The following MPHOSPH10 variants were observed in gnomAD, a reference collection of about 807,000 sequenced individuals.
MPHOSPH10 encodes U3 small nucleolar ribonucleoprotein MPP10.
Under a neutral mutation model 77.3 loss-of-function variants are expected in MPHOSPH10, and 33 were observed. That is an observed-to-expected ratio of 0.43 (90% CI 0.32 to 0.57). The LOEUF (loss-of-function observed/expected upper bound fraction) is 0.57. Ranked by LOEUF, MPHOSPH10 falls within the 20% of genes least tolerant of loss-of-function variation. The pLI is 0.07. For missense variants in MPHOSPH10, 708 were observed against 780.1 expected, an observed-to-expected ratio of 0.91 and a Z score of 1.10; for synonymous variants, 245 against 268.0, an observed-to-expected ratio of 0.91 and a Z score of 0.84.
chr2:71,146,117 G>A lies in MPHOSPH10; in HGVS notation c.1557+1579G>A, dbSNP rs145421599. Among the ~76,000 whole-genome samples, 27 of 152,302 alleles carry A rather than the reference G, an allele frequency of 1.8e-4. 1 individual carries two copies. The highest frequency in any genetic ancestry group is 1.4e-3 in the East Asian group (7 of 5,178). On this transcript the variant is annotated intron_variant, in intron 8 of 10. Transcript: ENST00000244230. The stretch of plus-strand genomic sequence containing the variant: ...TCGCACTAGCTAGGATCTAACACAC[G>A]GAAGCCTTTAGACATTCCTTGGAAT...
chr2:71,133,005 T>C lies in MPHOSPH10; in HGVS notation c.197T>C (p.Leu66Pro). 3 of 1,614,104 alleles carry C rather than the reference T, an allele frequency of 1.9e-6. No individual in the cohort carries two copies. Among genetic ancestry groups the C allele is most frequent in the South Asian group, 1.1e-5 (1 of 91,072 alleles). ...ATCCATGGAAGCCCCTTGCAAAAAC[T>C]TGTGATAGAAAATTTTGATGATGAG... Reference protein sequence around the residue: ...GRIHGSPLQKLVIENFDDEQI... With the variant: ...GRIHGSPLQKPVIENFDDEQI... The change falls in exon 2 of 11, where the codon CTT (leucine) becomes CCT (proline). Residue 66 changes from leucine (L) to proline (P), a missense_variant. Physicochemically the swap from Leu to Pro is moderately conservative, Grantham distance 98. Transcript: ENST00000244230.
chr2:71,134,140 T>C, intron 3 of MPHOSPH10, 35 bp downstream of exon 3: 1 of 1,579,752 alleles, frequency 6.3e-7, no homozygotes, highest in Middle Eastern at 1.7e-4. Flanking sequence ...CATTGTAAGC[T>C]GGAATTGCCC....
At chr2:71,149,823 A>G (rs1335622491) in intron 10 of MPHOSPH10, 43 bp from the exon 11 acceptor site, 1 of 1,487,530 alleles carries the variant, frequency 6.7e-7, no homozygotes, top group Middle Eastern at 1.9e-4. Context: ...TTTCACTTAT[A>G]AGTACATTTT....
intron 9 of MPHOSPH10, 76 bp from the exon 10 acceptor site, chr2:71,149,147 C>T (rs181397258): frequency 8.9e-6 from 12 of 1,345,880 alleles, no homozygotes; most frequent in Admixed American, 4.9e-5. Context: ...GCTGGCTACC[C>T]TGCAGTTTCT....
At chr2:71,146,318 C>T (rs1673706173) in intron 8 of MPHOSPH10, among the ~76,000 whole-genome samples, 1 of 147,476 alleles carries the variant, frequency 6.8e-6, no homozygotes, top group African/African-American at 2.5e-5. Flanking sequence ...CTAATCACAG[C>T]CATTATTTTT....
In MPHOSPH10 at chr2:71,144,419, T is replaced by C; in HGVS notation, c.1447-9T>C. On this transcript the variant is annotated splice_polypyrimidine_tract_variant and intron_variant, in intron 7 of 10. Transcript: ENST00000244230. ...GCTTAGTTTGACATTGTTGAACTTA[T>C]TTCCTAAGCAAAAAACAGCAGAAGA... 2 of 1,606,786 alleles carry C rather than the reference T, an allele frequency of 1.2e-6. No individual in the cohort carries two copies. Among genetic ancestry groups the C allele is most frequent in the Non-Finnish European group, 8.5e-7 (1 of 1,173,696 alleles).
At chr2:71,144,587 T>C (rs1673673903) in intron 8 of MPHOSPH10, 49 bp downstream of exon 8, 1 of 1,362,534 alleles carries the variant, frequency 7.3e-7, no homozygotes, top group South Asian at 1.2e-5. Flanking sequence ...GTGACCTTCA[T>C]AGCTTTGATC....
At chr2:71,147,975 T>C in intron 8 of MPHOSPH10, 24 bp from the exon 9 acceptor site, 1 of 1,584,754 alleles carries the variant, frequency 6.3e-7, no homozygotes, top group African/African-American at 1.3e-5. Flanking sequence ...TGGCTTCCCA[T>C]TGAATGTATT....
Position 71,138,528 on chromosome 2 carries a change from A to T in MPHOSPH10, c.1137A>T (p.Leu379Phe). 6.3e-7 allele frequency: 1 copy of T among 1,598,972 alleles called. No individual in the cohort carries two copies. Among genetic ancestry groups the T allele is most frequent in the Non-Finnish European group, 8.5e-7 (1 of 1,174,730 alleles). ...EKIASLEKEL[L>F]EKKPWQLQGE... ...TTGCATCTTTAGAAAAAGAGTTGTT[A>T]GAAAAAAAGCCGTGGCAGCTTCAGG... Residue 379 changes from leucine (L) to phenylalanine (F), a missense_variant, in exon 5 of 11, where the codon TTA becomes TTT. By Grantham distance (22) the Leu-to-Phe change is conservative. Transcript: ENST00000244230.
At chr2:71,136,491 G>C (rs1481214515) in intron 4 of MPHOSPH10, among the ~76,000 whole-genome samples, 1 of 151,790 alleles carries the variant, frequency 6.6e-6, no homozygotes, top group Non-Finnish European at 1.5e-5. Flanking sequence ...CTCTAGCCTG[G>C]GCAACAGAGC....
At chr2:71,134,474 T>C (rs867985845) in intron 3 of MPHOSPH10, 152 bp from the exon 4 acceptor site, 2 of 667,278 alleles carry the variant, frequency 3.0e-6, no homozygotes. Context: ...TAATACCTTT[T>C]GTTCCTTAAT....
In MPHOSPH10 at chr2:71,131,699, C is replaced by G. The variant is rs566454364; in HGVS notation, c.89+945C>G. On this transcript the variant is annotated intron_variant, in intron 1 of 10. Transcript: ENST00000244230. ...GTGGTTATCTATTAGCAGAGGAGGACGGGGTCACAAGGTACATGGTGGGGA... is the reference window on the plus strand; with the variant it reads ...GTGGTTATCTATTAGCAGAGGAGGAGGGGGTCACAAGGTACATGGTGGGGA... Among the ~76,000 whole-genome samples the G allele has an allele frequency of 1.2e-3, 184 of 152,156 alleles. 1 individual carries two copies. The highest frequency in any genetic ancestry group is 4.4e-3 in the African/African-American group (183 of 41,514).
At chr2:71,138,254 G>A (rs186338896) in intron 4 of MPHOSPH10, among the ~76,000 whole-genome samples, 214 of 152,196 alleles carry the variant, frequency 1.4e-3, no homozygotes, top group African/African-American at 4.8e-3. Flanking sequence ...TTCTGGGGGC[G>A]TTTAGTATAT....
intron 7 of MPHOSPH10, among the ~76,000 whole-genome samples, chr2:71,142,201 T>G (rs1673626603): frequency 6.6e-6 from 1 of 152,168 alleles, no homozygotes; most frequent in Non-Finnish European, 1.5e-5. Flanking sequence ...CAAAAGCCAT[T>G]TACGATTCCC....
In MPHOSPH10 at chr2:71,140,146, A is replaced by G. The variant is rs530997172; in HGVS notation, c.1308+284A>G. Among the ~76,000 whole-genome samples, 13 of 152,270 alleles carry G rather than the reference A, an allele frequency of 8.5e-5. No individual in the cohort carries two copies. The East Asian group carries it at 2.5e-3, about 29-fold the overall frequency. On this transcript the variant is annotated intron_variant, in intron 6 of 10. Coordinates refer to ENST00000244230, the MANE Select transcript of MPHOSPH10 (RefSeq NM_005791.3). ...CAGTGAAGCTGGTGGCTGACCTGTG[A>G]TGGTTGCACCCAGAACCCTTGGCTT...
chr2:71,134,226 A>C, intron 3 of MPHOSPH10, 121 bp downstream of exon 3: 4 of 988,778 alleles, frequency 4.0e-6, no homozygotes, highest in Non-Finnish European at 5.7e-6. Context: ...AGATATTCTC[A>C]AGATAGCCAG....
chr2:71,136,752 T>C (rs1415021665), intron 4 of MPHOSPH10, among the ~76,000 whole-genome samples: 1 of 152,060 alleles, frequency 6.6e-6, no homozygotes, highest in African/African-American at 2.4e-5. Flanking sequence ...TTTGGTTTTA[T>C]TGTGAAATTA....
intron 9 of MPHOSPH10, chr2:71,148,597 A>G (rs1361509909): frequency 1.3e-5 from 2 of 159,560 alleles, no homozygotes; most frequent in Non-Finnish European, 1.4e-5. Context: ...CACAGTAATA[A>G]TGGTTTCTGC....
chr2:71,133,498 G>A lies in MPHOSPH10; in HGVS notation c.690G>A (p.Glu230=). Residue 230 remains glutamate (E), a synonymous_variant, in exon 2 of 11, where the codon GAG becomes GAA. Transcript: ENST00000244230. ...AACGAAAAGATGATAATGATGAGGA[G>A]GAGGAAGATATTGATTTTTTTGAAG... ...EEERKDDNDE[E]EEDIDFFEDI... is the part of the protein sequence containing the mutation. 6.2e-7 allele frequency: 1 copy of A among 1,612,490 alleles called. No homozygotes were observed. Among genetic ancestry groups the A allele is most frequent in the Non-Finnish European group, 8.5e-7 (1 of 1,179,242 alleles).
Sources: gnomAD v4.1 joint callset for allele counts (sites outside exome capture counted in the v4.1 genomes callset) on GRCh38, gnomAD v4.1.1 for gene constraint, MANE v1.5 for transcripts, NCBI Gene and HGNC (gene_info 2026-07-23, HGNC 2026-07-21) for gene names.